The following MAGI2 variants were observed in gnomAD, a reference collection of about 807,000 sequenced individuals.
MAGI2 encodes the protein membrane associated guanylate kinase, WW and PDZ domain containing 2.
MAGI2 carries 35 observed loss-of-function variants against 133.3 expected under a neutral mutation model. That is an observed-to-expected ratio of 0.26 (90% confidence interval 0.20 to 0.35). The LOEUF (loss-of-function observed/expected upper bound fraction) is 0.35. Among genes scored for constraint, MAGI2 ranks in the 10% least tolerant of loss-of-function variants. The pLI is 1.00. For missense variants in MAGI2, 1,636 were observed against 1,863.4 expected (o/e 0.88, Z 2.25); for synonymous variants, 729 against 710.6 (o/e 1.03, Z -0.41).
At chr7:78,806,863 G>C (rs37882) in intron 2 of MAGI2, among the ~76,000 whole-genome samples, 1 of 148,864 alleles carries the variant, frequency 6.7e-6, no homozygotes, top group African/African-American at 2.5e-5. Flanking sequence ...GCAACACCCT[G>C]TCTCAAAATA....
At chr7:78,045,609 T>C (rs1261945003) in intron 21 of MAGI2, among the ~76,000 whole-genome samples, 1 of 152,116 alleles carries the variant, frequency 6.6e-6, no homozygotes, top group Admixed American at 6.5e-5. Flanking sequence ...AATGATGGCG[T>C]TTTCATGAGC....
At chr7:78,822,919 A>G (rs552321007) in intron 2 of MAGI2, among the ~76,000 whole-genome samples, 1 of 152,230 alleles carries the variant, frequency 6.6e-6, no homozygotes, top group South Asian at 2.1e-4. Context: ...ATTTTCAACT[A>G]CAATAAACTA....
chr7:79,035,812 T>C (rs1811075732), intron 1 of MAGI2, among the ~76,000 whole-genome samples: 1 of 152,186 alleles, frequency 6.6e-6, no homozygotes, highest in African/African-American at 2.4e-5. Context: ...AATGAAATCA[T>C]AAATGAAGAA....
chr7:78,902,478 A>G (rs561674690), intron 2 of MAGI2: 1 of 152,236 alleles, frequency 6.6e-6, no homozygotes, highest in Non-Finnish European at 1.5e-5. Context: ...ATTTGTCTCA[A>G]ATCAAATATT....
At chr7:79,167,010 G>A (rs1419932646) in intron 1 of MAGI2, among the ~76,000 whole-genome samples, 1 of 151,990 alleles carries the variant, frequency 6.6e-6, no homozygotes, top group Non-Finnish European at 1.5e-5. Context: ...TCAGGAGTCT[G>A]TGTATTAATA....
chr7:78,383,995 AC>A (rs1412101890), intron 6 of MAGI2, among the ~76,000 whole-genome samples: 1 of 151,506 alleles, frequency 6.6e-6, no homozygotes, highest in Admixed American at 6.6e-5. Context: ...TGGTTACCAT[AC>A]CCTTGTAATA....
At chr7:79,135,375 T>C (rs2129545636) in intron 1 of MAGI2, among the ~76,000 whole-genome samples, 1 of 152,328 alleles carries the variant, frequency 6.6e-6, no homozygotes, top group South Asian at 2.1e-4. Context: ...TTGCTTCTTG[T>C]AGCCATCTTA....
chr7:78,392,868 CCCAACCTCAGGTGATTCG>C (rs1006448943), intron 6 of MAGI2, among the ~76,000 whole-genome samples: 16 of 152,156 alleles, frequency 1.1e-4, no homozygotes, highest in African/African-American at 3.1e-4. Flanking sequence ...GTTTTGAACT[CCCAACCTCAGGTGATTCG>C]CCAACCTCAG....
chr7:78,715,984 A>G (rs1025219289), intron 2 of MAGI2, among the ~76,000 whole-genome samples: 4 of 152,182 alleles, frequency 2.6e-5, no homozygotes, highest in Non-Finnish European at 5.9e-5. Flanking sequence ...TTCAACACTC[A>G]TACCTAAAAC....
At chr7:78,402,107 T>C (rs950327403) in intron 6 of MAGI2, among the ~76,000 whole-genome samples, 10 of 152,208 alleles carry the variant, frequency 6.6e-5, no homozygotes, top group African/African-American at 2.4e-4. Flanking sequence ...AAGTTATTTG[T>C]TTACATACCT....
intron 1 of MAGI2, among the ~76,000 whole-genome samples, chr7:79,076,076 C>T (rs899295600): frequency 6.6e-6 from 1 of 152,154 alleles, no homozygotes; most frequent in African/African-American, 2.4e-5. Context: ...GGACAAAAGA[C>T]AAGCAAAAAT....
chr7:78,821,524 A>G (rs1021144470), intron 2 of MAGI2, among the ~76,000 whole-genome samples: 1 of 152,056 alleles, frequency 6.6e-6, no homozygotes, highest in Non-Finnish European at 1.5e-5. Context: ...CTATAGAAGC[A>G]AGTATATTGT....
intron 12 of MAGI2, among the ~76,000 whole-genome samples, chr7:78,192,844 A>T (rs549997849): frequency 4.1e-4 from 62 of 152,242 alleles, no homozygotes; most frequent in East Asian, 1.4e-3. Flanking sequence ...GGTTGTGATG[A>T]GGCAGCAGCA....
At chr7:78,022,507 G>A (rs1808497048) in intron 21 of MAGI2, among the ~76,000 whole-genome samples, 2 of 152,192 alleles carry the variant, frequency 1.3e-5, no homozygotes. Context: ...GGCCAGTTAG[G>A]AGTAAAAATT....
At chr7:79,352,831 A>G (rs1302961944) in intron 1 of MAGI2, among the ~76,000 whole-genome samples, 1 of 152,134 alleles carries the variant, frequency 6.6e-6, no homozygotes, top group Admixed American at 6.6e-5. Context: ...GCCTCATGCT[A>G]GCTGAGTTTT....
At chr7:78,758,741 T>C (rs943368764) in intron 2 of MAGI2, among the ~76,000 whole-genome samples, 1 of 152,186 alleles carries the variant, frequency 6.6e-6, no homozygotes, top group Non-Finnish European at 1.5e-5. Flanking sequence ...ATGCTCCTTA[T>C]GCATCTCAGA....
At chr7:78,652,693 C>T (rs977154846) in intron 2 of MAGI2, among the ~76,000 whole-genome samples, 12 of 152,118 alleles carry the variant, frequency 7.9e-5, no homozygotes, top group African/African-American at 2.9e-4. Context: ...TAGAAGAAAA[C>T]CTAGGCAATA....
At chr7:79,430,323 T>C (rs1032451986) in intron 1 of MAGI2, among the ~76,000 whole-genome samples, 1 of 152,160 alleles carries the variant, frequency 6.6e-6, no homozygotes, top group African/African-American at 2.4e-5. Flanking sequence ...AGAGGCAACT[T>C]CACAAAGTCA....
intron 4 of MAGI2, among the ~76,000 whole-genome samples, 172 bp from the exon 5 acceptor site, chr7:78,501,959 A>G (rs1457897509): frequency 1.3e-5 from 2 of 151,754 alleles, no homozygotes; most frequent in Non-Finnish European, 2.9e-5. Context: ...CTCTCCTTTC[A>G]CTCGTCATTG....
Sources: gnomAD v4.1 joint callset for allele counts (sites outside exome capture counted in the v4.1 genomes callset) on GRCh38, gnomAD v4.1.1 for gene constraint, MANE v1.5 for transcripts, NCBI Gene and HGNC (gene_info 2026-07-23, HGNC 2026-07-21) for gene names.